Variants in HHAT observed in about 807,000 individuals in gnomAD.
HHAT encodes the protein hedgehog acyltransferase.
HHAT carries 47 observed loss-of-function variants against 70.8 expected under a neutral mutation model. That is an observed-to-expected ratio of 0.66 (90% CI 0.53 to 0.85). The LOEUF is 0.85. Ranked by LOEUF, HHAT falls within the 40% of genes least tolerant of loss-of-function variation. The pLI, the probability that HHAT is intolerant of heterozygous loss-of-function variation, is 0.00. For synonymous variants in HHAT, 228 were observed against 247.6 expected, an observed-to-expected ratio of 0.92 and a Z score of 0.74; for missense variants, 609 against 604.8, an observed-to-expected ratio of 1.01 and a Z score of -0.07.
chr1:210,584,899 C>T (rs1470763550), intron 9 of HHAT, among the ~76,000 whole-genome samples: 1 of 152,204 alleles, frequency 6.6e-6, no homozygotes, highest in Admixed American at 6.5e-5. Flanking sequence ...CCAGGAATTC[C>T]CTGAAGGCCT....
At chr1:210,435,210 G>A (rs1415847208) in intron 7 of HHAT, among the ~76,000 whole-genome samples, 3 of 151,950 alleles carry the variant, frequency 2.0e-5, no homozygotes, top group Middle Eastern at 3.4e-3. Context: ...TGACATGTGA[G>A]TGAGAACATG....
chr1:210,570,739 T>C (rs1342456135), intron 9 of HHAT, among the ~76,000 whole-genome samples: 1 of 152,164 alleles, frequency 6.6e-6, no homozygotes, highest in Non-Finnish European at 1.5e-5. Flanking sequence ...TAGTGTGATT[T>C]GAAGTGACTG....
intron 10 of HHAT, among the ~76,000 whole-genome samples, chr1:210,595,342 C>T (rs1662728601): frequency 6.6e-6 from 1 of 152,222 alleles, no homozygotes; most frequent in African/African-American, 2.4e-5. Flanking sequence ...ATATGTGCCA[C>T]ATTTTCCTAA....
chr1:210,340,747 G>A (rs1283593612), intron 1 of HHAT, among the ~76,000 whole-genome samples: 1 of 152,030 alleles, frequency 6.6e-6, no homozygotes, highest in African/African-American at 2.4e-5. Flanking sequence ...TATGCATAAC[G>A]TTTAAAAATT....
chr1:210,535,930 G>A lies in HHAT; in HGVS notation c.1043+22742G>A, dbSNP rs138977946. 7.2e-4 allele frequency among the ~76,000 whole-genome samples: 109 copies of A among 152,244 alleles called. No homozygotes were observed. In the East Asian group the frequency reaches 9.7e-3, roughly 13 times the overall value. Reference sequence around the variant, plus strand: ...TACAGAGCCTGGAAGAGCAGCTTGCGGATGCTCAAGATTCCAGTAATTATT... The same window carrying A: ...TACAGAGCCTGGAAGAGCAGCTTGCAGATGCTCAAGATTCCAGTAATTATT... On this transcript the variant is annotated intron_variant, in intron 9 of 11. Transcript: ENST00000261458.
At chr1:210,381,576 C>T (rs112101356) in intron 3 of HHAT, among the ~76,000 whole-genome samples, 2,879 of 152,248 alleles carry the variant, frequency 0.019, 86 homozygotes, top group African/African-American at 0.067. Flanking sequence ...CTACTGCACC[C>T]GGCCTCAAAT....
chr1:210,463,205 A>G (rs2094017080), intron 7 of HHAT, among the ~76,000 whole-genome samples: 2 of 151,240 alleles, frequency 1.3e-5, no homozygotes. Flanking sequence ...CCACCCATTT[A>G]AAGTGTACAG....
intron 10 of HHAT, among the ~76,000 whole-genome samples, chr1:210,620,927 T>G (rs748289389): frequency 5.9e-5 from 9 of 151,922 alleles, no homozygotes; most frequent in Non-Finnish European, 1.2e-4. Flanking sequence ...TATAGGAATT[T>G]ATGGAACCAT....
At chr1:210,465,075 T>G (rs2094071604) in intron 8 of HHAT, among the ~76,000 whole-genome samples, 1 of 152,320 alleles carries the variant, frequency 6.6e-6, no homozygotes, top group South Asian at 2.1e-4. Context: ...ATTTACTAAA[T>G]CTAAGTTTCA....
chr1:210,521,554 A>T (rs2095158533), intron 9 of HHAT, among the ~76,000 whole-genome samples: 1 of 152,180 alleles, frequency 6.6e-6, no homozygotes, highest in African/African-American at 2.4e-5. Context: ...GGATACCACA[A>T]GTCTATCACC....
intron 8 of HHAT, among the ~76,000 whole-genome samples, chr1:210,483,098 C>CATT (rs1477362004): frequency 1.3e-5 from 2 of 152,168 alleles, no homozygotes. Flanking sequence ...GATTTACCAC[C>CATT]AGTAAATGTA....
chr1:210,566,366 C>T (rs1258180461), intron 9 of HHAT, among the ~76,000 whole-genome samples: 1 of 152,098 alleles, frequency 6.6e-6, no homozygotes, highest in Admixed American at 6.5e-5. Context: ...CAGGGAAATA[C>T]TGGGCAGAAG....
At chr1:210,621,523 T>C (rs1406639803) in intron 10 of HHAT, among the ~76,000 whole-genome samples, 1 of 152,216 alleles carries the variant, frequency 6.6e-6, no homozygotes. Flanking sequence ...TTACTGCTAG[T>C]TGAGTCAGTA....
At position 210,639,047 on chromosome 1, in the gene HHAT, A is replaced by G. The variant is rs75706268; in HGVS notation, c.1390+15377A>G. ...GCAAATCTTATCTCAATAAGCTGTT[A>G]AAAACAGTTTAAGGTTAAAAGATAA... On this transcript the variant is annotated intron_variant, in intron 11 of 11. Coordinates refer to ENST00000261458, the MANE Select transcript of HHAT (RefSeq NM_018194.6). 5.3e-5 allele frequency among the ~76,000 whole-genome samples: 8 copies of G among 152,218 alleles called. No individual in the cohort carries two copies. In the East Asian group the frequency reaches 1.5e-3, roughly 29 times the overall value.
chr1:210,337,550 A>C (rs1999890), intron 1 of HHAT, among the ~76,000 whole-genome samples: 90,269 of 151,868 alleles, frequency 0.59, 28,118 homozygotes, highest in African/African-American at 0.78. Flanking sequence ...CCTCTAGATG[A>C]CTCTTAGATT....
intron 8 of HHAT, among the ~76,000 whole-genome samples, chr1:210,501,482 G>A (rs1310758984): frequency 6.6e-6 from 1 of 152,190 alleles, no homozygotes; most frequent in African/African-American, 2.4e-5. Flanking sequence ...ACTCATAGAG[G>A]GGTGGTGGAG....
At chr1:210,640,118 A>G (rs1352270117) in intron 11 of HHAT, among the ~76,000 whole-genome samples, 1 of 152,190 alleles carries the variant, frequency 6.6e-6, no homozygotes, top group East Asian at 1.9e-4. Flanking sequence ...ATCCATGGCT[A>G]AGAAGAAGCC....
chr1:210,550,334 T>C (rs2095517765), intron 9 of HHAT, among the ~76,000 whole-genome samples: 1 of 149,268 alleles, frequency 6.7e-6, no homozygotes, highest in East Asian at 2.2e-4. Context: ...GAAATCTGTC[T>C]GTACAGTAGA....
intron 10 of HHAT, among the ~76,000 whole-genome samples, chr1:210,606,014 C>T (rs1304007771): frequency 1.3e-5 from 2 of 151,910 alleles, no homozygotes; most frequent in Non-Finnish European, 2.9e-5. Context: ...TGCCACCACA[C>T]CTGGCTAATT....
Sources: gnomAD v4.1 joint callset for allele counts (sites outside exome capture counted in the v4.1 genomes callset) on GRCh38, gnomAD v4.1.1 for gene constraint, MANE v1.5 for transcripts, NCBI Gene and HGNC (gene_info 2026-07-23, HGNC 2026-07-21) for gene names.